Variants in CNTNAP2 observed in about 807,000 individuals in gnomAD.
CNTNAP2 encodes contactin-associated protein-like 2.
A neutral mutation model predicts 155.2 loss-of-function variants in CNTNAP2; 98 were observed. The ratio of observed to expected loss-of-function variants is 0.63; its 90% CI spans 0.54 to 0.75. The LOEUF (loss-of-function observed/expected upper bound fraction) is 0.75. Among genes scored for constraint, CNTNAP2 ranks in the 30% least tolerant of loss-of-function variants. The pLI is 0.00. For missense variants in CNTNAP2, 1,727 were observed against 1,688.1 expected (o/e 1.02, Z -0.40); for synonymous variants, 651 against 631.2 (o/e 1.03, Z -0.47).
intron 13 of CNTNAP2, among the ~76,000 whole-genome samples, chr7:147,850,637 T>TAA (rs2116667400): frequency 6.6e-6 from 1 of 152,336 alleles, no homozygotes; most frequent in South Asian, 2.1e-4. Context: ...AACCATCTGA[T>TAA]CTTTGACAAA....
chr7:146,272,655 A>AGTGT lies in CNTNAP2; in HGVS notation c.97+155693_97+155696dup, dbSNP rs71941123. 2.5e-3 allele frequency among the ~76,000 whole-genome samples: 383 copies of AGTGT among 151,532 alleles called. 2 individuals carry two copies. The highest frequency in any genetic ancestry group is 8.6e-3 in the African/African-American group (356 of 41,338). On this transcript the variant is annotated intron_variant, in intron 1 of 23. Coordinates refer to ENST00000361727, the MANE Select transcript of CNTNAP2 (RefSeq NM_014141.6). ...AAAAATGTGTATGTGTTTGTATATC[A>AGTGT]GTGTGTGTGTGTGTATGTGCACACA...
At chr7:147,980,959 A>G (rs558784945) in intron 15 of CNTNAP2, among the ~76,000 whole-genome samples, 155 of 147,478 alleles carry the variant, frequency 1.1e-3, no homozygotes, top group African/African-American at 3.5e-3. Context: ...AAAAAAAAGA[A>G]TGTTCTCACA....
chr7:148,302,613 C>T (rs527576476), intron 21 of CNTNAP2, among the ~76,000 whole-genome samples: 24 of 152,104 alleles, frequency 1.6e-4, no homozygotes, highest in African/African-American at 4.3e-4. Context: ...TGGTTTGCCC[C>T]GCGCTGTTCT....
At chr7:148,169,012 G>A (rs1449255939) in intron 17 of CNTNAP2, among the ~76,000 whole-genome samples, 1 of 151,996 alleles carries the variant, frequency 6.6e-6, no homozygotes, top group Non-Finnish European at 1.5e-5. Flanking sequence ...ACTTTCATCG[G>A]GAAAAAGAAA....
At chr7:146,271,395 A>C (rs1236901578) in intron 1 of CNTNAP2, among the ~76,000 whole-genome samples, 1 of 152,054 alleles carries the variant, frequency 6.6e-6, no homozygotes, top group Non-Finnish European at 1.5e-5. Flanking sequence ...TAGCAAGATA[A>C]TTGGAAGAAT....
chr7:147,630,646 C>T (rs554426475), intron 12 of CNTNAP2, among the ~76,000 whole-genome samples: 2 of 152,046 alleles, frequency 1.3e-5, no homozygotes, highest in Non-Finnish European at 2.9e-5. Flanking sequence ...GGTTTCGTAC[C>T]AGGGATGCAG....
intron 8 of CNTNAP2, among the ~76,000 whole-genome samples, chr7:147,177,487 A>G (rs956974745): frequency 1.3e-5 from 2 of 151,476 alleles, no homozygotes; most frequent in Non-Finnish European, 2.9e-5. Flanking sequence ...AGTCCATTAA[A>G]CCTCTTTTCT....
At chr7:146,769,681 C>G (rs1033077184) in intron 1 of CNTNAP2, among the ~76,000 whole-genome samples, 5 of 152,092 alleles carry the variant, frequency 3.3e-5, no homozygotes, top group African/African-American at 1.2e-4. Flanking sequence ...CATTCTGATT[C>G]CTAAGTTCCT....
chr7:146,307,229 A>G (rs1247552729), intron 1 of CNTNAP2, among the ~76,000 whole-genome samples: 2 of 152,196 alleles, frequency 1.3e-5, no homozygotes, highest in Non-Finnish European at 2.9e-5. Flanking sequence ...CCCATTCACA[A>G]TTGCTTCAAA....
Position 147,860,589 on chromosome 7 carries a change from C to CAAAAA in CNTNAP2, c.2099-42966_2099-42962dup, listed in dbSNP as rs11342244. Among the ~76,000 whole-genome samples, 9 of 124,440 alleles carry CAAAAA rather than the reference C, an allele frequency of 7.2e-5. 1 individual carries two copies. The highest frequency in any genetic ancestry group is 8.5e-5 in the Admixed American group (1 of 11,722). 81.6% of individuals were successfully genotyped at this position (124,440 alleles called of 152,430 possible). On this transcript the variant is annotated intron_variant, in intron 13 of 23. Transcript: ENST00000361727. The stretch of plus-strand genomic sequence containing the variant: ...TAGGCAACAGAGTGAGACTCTGTCT[C>CAAAAA]AAAAAAAAAAAAAAGTGTTTGGCAG...
At chr7:146,557,289 C>A (rs1253353825) in intron 1 of CNTNAP2, among the ~76,000 whole-genome samples, 1 of 151,882 alleles carries the variant, frequency 6.6e-6, no homozygotes, top group East Asian at 1.9e-4. Flanking sequence ...AAGACAGGGG[C>A]AGTATGTACT....
At chr7:147,921,283 A>G (rs1363788189) in intron 14 of CNTNAP2, among the ~76,000 whole-genome samples, 1 of 152,174 alleles carries the variant, frequency 6.6e-6, no homozygotes, top group Non-Finnish European at 1.5e-5. Flanking sequence ...ACCGTACTTA[A>G]TTTGGCCTCA....
chr7:146,862,798 C>T (rs572362190), intron 3 of CNTNAP2, among the ~76,000 whole-genome samples: 2 of 152,336 alleles, frequency 1.3e-5, no homozygotes, highest in Admixed American at 6.5e-5. Context: ...GACACATAAA[C>T]ATCGCCCTGT....
intron 18 of CNTNAP2, among the ~76,000 whole-genome samples, chr7:148,189,062 G>A (rs989134511): frequency 7.2e-5 from 11 of 152,170 alleles, no homozygotes; most frequent in African/African-American, 2.7e-4. Context: ...TAGAGTTAGA[G>A]GATGTAAAAT....
At chr7:146,296,781 A>G (rs552290692) in intron 1 of CNTNAP2, among the ~76,000 whole-genome samples, 3 of 152,290 alleles carry the variant, frequency 2.0e-5, no homozygotes, top group African/African-American at 7.2e-5. Flanking sequence ...ACCTAAATCT[A>G]AAATACCGAG....
chr7:148,249,924 G>T (rs1796335983), intron 20 of CNTNAP2, among the ~76,000 whole-genome samples: 1 of 152,200 alleles, frequency 6.6e-6, no homozygotes, highest in African/African-American at 2.4e-5. Flanking sequence ...CCTTGCCCTT[G>T]CAGGAGCGTC....
At chr7:146,477,784 G>T (rs1796901869) in intron 1 of CNTNAP2, among the ~76,000 whole-genome samples, 2 of 151,978 alleles carry the variant, frequency 1.3e-5, no homozygotes, top group South Asian at 4.2e-4. Flanking sequence ...AAGATTTGTG[G>T]CGTTATGTTT....
intron 10 of CNTNAP2, among the ~76,000 whole-genome samples, chr7:147,439,961 A>C (rs1190662050): frequency 6.6e-6 from 1 of 151,874 alleles, no homozygotes; most frequent in Non-Finnish European, 1.5e-5. Flanking sequence ...TTCAGTCTAC[A>C]TGTGTCTTTA....
rs370466945 is a variant in CNTNAP2 at position 147,977,921 on chromosome 7, T to G, written c.2315T>G (p.Val772Gly). The G allele has an allele frequency of 6.2e-7, 1 of 1,614,000 alleles. No homozygotes were observed. The highest frequency in any genetic ancestry group is 8.5e-7 in the Non-Finnish European group (1 of 1,180,018). The change falls in exon 15 of 24, where the codon GTT (valine) becomes GGT (glycine). Residue 772 changes from valine (V) to glycine (G), a missense_variant. Val to Gly is a moderately radical substitution (Grantham distance 109). Coordinates refer to ENST00000361727, the MANE Select transcript of CNTNAP2 (RefSeq NM_014141.6). Reference sequence around the variant, plus strand: ...CACCTGCCAGTGAGCCAAGTGGTGGTTGGAGATACTGACCGTCAAGGCTCA... The same window carrying G: ...CACCTGCCAGTGAGCCAAGTGGTGGGTGGAGATACTGACCGTCAAGGCTCA... ...KDHLPVSQVV[V>G]GDTDRQGSEA...
Sources: allele counts gnomAD v4.1 joint callset (sites outside exome capture counted in the v4.1 genomes callset), GRCh38; gene constraint gnomAD v4.1.1; transcripts MANE v1.5; gene names NCBI Gene and HGNC (gene_info 2026-07-23, HGNC 2026-07-21).